Variants in PPFIA4 observed in about 807,000 individuals in gnomAD.
PPFIA4 encodes the protein liprin-alpha-4.
A neutral mutation model predicts 145.7 loss-of-function variants in PPFIA4; 98 were observed. That is an observed-to-expected ratio of 0.67 (90% CI 0.57 to 0.80). The LOEUF is 0.80. PPFIA4 is among the 30% of genes least tolerant of loss of function. The pLI is 0.00. For synonymous variants in PPFIA4, 628 were observed against 649.6 expected (o/e 0.97, Z 0.51); for missense variants, 1,457 against 1,632.7 (o/e 0.89, Z 1.85).
Position 203,077,908 on chromosome 1 carries a change from CCATCCTA to C in PPFIA4, c.*1521_*1527del, listed in dbSNP as rs1662647340. 1 of 152,276 alleles carries C rather than the reference CCATCCTA, an allele frequency of 6.6e-6. No individual in the cohort carries two copies. Among genetic ancestry groups the C allele is most frequent in the South Asian group, 2.1e-4 (1 of 4,834 alleles). The allele number at this position is 152,276 out of a possible 1,614,324, so 9.4% of individuals were successfully genotyped here. The stretch of plus-strand genomic sequence containing the variant: ...TTCTTGGATAGGGGCCAGTGCAGTG[CCATCCTA>C]CAGGTGGCTGGAGCAGCTGCTTTGC... On this transcript the variant is annotated 3_prime_UTR_variant, in exon 30 of 30. Coordinates refer to ENST00000295706, the MANE Select transcript of PPFIA4 (RefSeq NM_001304331.2).
At chr1:203,028,365 G>A (rs540568345) in intron 1 of PPFIA4, among the ~76,000 whole-genome samples, 10 of 152,186 alleles carry the variant, frequency 6.6e-5, no homozygotes, top group Non-Finnish European at 1.0e-4. Flanking sequence ...GTTGGAAAGA[G>A]TTGTCAGGGA....
At chr1:203,072,660 C>T (rs755794739) in intron 28 of PPFIA4, among the ~76,000 whole-genome samples, 7 of 152,164 alleles carry the variant, frequency 4.6e-5, no homozygotes, top group Non-Finnish European at 1.0e-4. Context: ...TTTTTCGCTG[C>T]TCTGTCTTCA....
At chr1:203,059,875 A>G in intron 21 of PPFIA4, 24 bp downstream of exon 21, 1 of 1,583,478 alleles carries the variant, frequency 6.3e-7, no homozygotes, top group Non-Finnish European at 8.6e-7. Context: ...AAGGGAGTCC[A>G]CTCAGGGGTC....
chr1:203,056,701 C>T, intron 18 of PPFIA4, 83 bp from the exon 19 acceptor site: 7 of 1,333,840 alleles, frequency 5.2e-6, no homozygotes, highest in Non-Finnish European at 7.3e-6. Flanking sequence ...AGAAGTTCTT[C>T]CTGAGGTCTA....
Position 203,076,552 on chromosome 1 carries a change from A to G in PPFIA4, c.*162A>G. ...TATTCGTCCACCCCCTCGGCACCCC[A>G]TTACCCCGAGTCCCACCGTGTGTCC... is the stretch of plus-strand genomic sequence containing the variant. On this transcript the variant is annotated 3_prime_UTR_variant, in exon 30 of 30. Transcript: ENST00000295706. The G allele has an allele frequency of 1.5e-6, 1 of 687,126 alleles. No homozygotes were observed. The highest frequency in any genetic ancestry group is 1.8e-5 in the South Asian group (1 of 55,732). The allele number at this position is 687,126 out of a possible 1,614,324, so 42.6% of individuals were successfully genotyped here.
At chr1:203,047,552 C>A (rs1298390873) in intron 9 of PPFIA4, among the ~76,000 whole-genome samples, 1 of 152,142 alleles carries the variant, frequency 6.6e-6, no homozygotes. Context: ...ATCTTGCCAG[C>A]AGAGACAGTA....
chr1:203,067,499 T>G, intron 25 of PPFIA4, 196 bp from the exon 26 acceptor site: 1 of 576,610 alleles, frequency 1.7e-6, no homozygotes, highest in Non-Finnish European at 3.1e-6. Context: ...AGGATATGGG[T>G]TAGACAGAGA....
At chr1:203,065,416 G>A (rs1250695243) in intron 25 of PPFIA4, among the ~76,000 whole-genome samples, 1 of 152,158 alleles carries the variant, frequency 6.6e-6, no homozygotes, top group African/African-American at 2.4e-5. Context: ...GATTGATAGG[G>A]CTGGGGAGAG....
chr1:203,049,195 G>T (rs1037463752), intron 12 of PPFIA4, among the ~76,000 whole-genome samples: 1 of 152,332 alleles, frequency 6.6e-6, no homozygotes, highest in African/African-American at 2.4e-5. Context: ...AGAAGCATAG[G>T]GCAGAGGTGG....
rs775386210 is a variant in PPFIA4, at chr1:203,045,882, A to T, written c.900A>T (p.Thr300=). The part of the protein sequence containing the change: ...QKEDMEERIT[T]LEKRYLAAQR... ...AGGACATGGAAGAGCGGATTACTAC[A>T]CTGGAGAAGCGCTACCTGGCTGCTC... is the stretch of plus-strand genomic sequence containing the variant. The change falls in exon 8 of 30, where the codon ACA becomes ACT. Residue 300 remains threonine, a synonymous_variant. Transcript: ENST00000295706. The T allele has an allele frequency of 8.6e-5, 139 of 1,612,582 alleles. No homozygotes were observed. Among genetic ancestry groups the T allele is most frequent in the Non-Finnish European group, 1.2e-4 (137 of 1,179,830 alleles).
chr1:203,066,270 G>A (rs1183507273), intron 25 of PPFIA4, among the ~76,000 whole-genome samples: 1 of 152,206 alleles, frequency 6.6e-6, no homozygotes, highest in Non-Finnish European at 1.5e-5. Flanking sequence ...ACATAAGGGT[G>A]GCTTGGGCCA....
chr1:203,055,256 G>C lies in PPFIA4; in HGVS notation c.1830-176G>C, dbSNP rs978762606. Among the ~76,000 whole-genome samples the C allele has an allele frequency of 6.6e-6, 1 of 152,202 alleles. No individual in the cohort carries two copies. The highest frequency in any genetic ancestry group is 2.4e-5 in the African/African-American group (1 of 41,452). On this transcript the variant is annotated intron_variant, in intron 15 of 29. Coordinates refer to ENST00000295706, the MANE Select transcript of PPFIA4 (RefSeq NM_001304331.2). This position sits in a 1 kb window ranked among gnomAD's most constrained non-coding sequence, Gnocchi z 4.8. ...CAGCAGCTGCTTTTGTTAAACGGAG[G>C]GAGTAGGCAAGCTAACAAGAAAGAG... is the stretch of plus-strand genomic sequence containing the variant.
At chr1:203,036,816 G>A (rs978799912) in intron 1 of PPFIA4, among the ~76,000 whole-genome samples, 1 of 152,242 alleles carries the variant, frequency 6.6e-6, no homozygotes, top group Non-Finnish European at 1.5e-5. Flanking sequence ...CAGCAGCAGT[G>A]TTGGGGAAAG....
Position 203,069,069 on chromosome 1 carries a change from G to T in PPFIA4, c.3324+441G>T, listed in dbSNP as rs539278303. Among the ~76,000 whole-genome samples the T allele has an allele frequency of 6.6e-5, 10 of 152,186 alleles. No individual in the cohort carries two copies. In the South Asian group the frequency reaches 2.1e-3, roughly 32 times the overall value. On this transcript the variant is annotated intron_variant, in intron 27 of 29. Transcript: ENST00000295706. ...CTACCACCCTAGGGATCTGCTCCTGGGCCCCCAGCCTTAAAAAAGCTAAAT... is the reference window on the plus strand; with the variant it reads ...CTACCACCCTAGGGATCTGCTCCTGTGCCCCCAGCCTTAAAAAAGCTAAAT...
At position 203,048,187 on chromosome 1, in the gene PPFIA4, C is replaced by A. The variant is rs1277777845; in HGVS notation, c.1141-40C>A. On this transcript the variant is annotated intron_variant, in intron 9 of 29. Coordinates refer to ENST00000295706, the MANE Select transcript of PPFIA4 (RefSeq NM_001304331.2). The surrounding 1 kb of genome is among the most constrained non-coding windows in gnomAD (Gnocchi z 5.8). ...GGATGCGGGGCCTGAGCAGGAAGAACAGAGATCTGCGGGCTGCACCGACCC... is the reference window on the plus strand; with the variant it reads ...GGATGCGGGGCCTGAGCAGGAAGAAAAGAGATCTGCGGGCTGCACCGACCC... 1 of 1,598,772 alleles carries A rather than the reference C, an allele frequency of 6.3e-7. No homozygotes were observed. The highest frequency in any genetic ancestry group is 8.6e-7 in the Non-Finnish European group (1 of 1,168,860).
Position 203,063,969 on chromosome 1 carries a change from C to A in PPFIA4, c.3016C>A (p.Arg1006=). 6.2e-7 allele frequency: 1 copy of A among 1,613,852 alleles called. No individual in the cohort carries two copies. The highest frequency in any genetic ancestry group is 8.5e-7 in the Non-Finnish European group (1 of 1,179,886). Reference sequence around the variant, plus strand: ...GGACCACCTCACCAAGAAGGACCTGCGGGTCCACCTGAAGATGGTGGACAG... The same window carrying A: ...GGACCACCTCACCAAGAAGGACCTGAGGGTCCACCTGAAGATGGTGGACAG... ...MLDHLTKKDL[R]VHLKMVDSFH... is the part of the protein sequence containing the mutation. Residue 1006 remains arginine (R), a synonymous_variant, in exon 25 of 30, where the codon CGG becomes AGG. Coordinates refer to ENST00000295706, the MANE Select transcript of PPFIA4 (RefSeq NM_001304331.2).
chr1:203,052,405 T>C (rs954822224), intron 14 of PPFIA4, among the ~76,000 whole-genome samples: 44 of 152,018 alleles, frequency 2.9e-4, no homozygotes, highest in Non-Finnish European at 6.2e-4. Context: ...CCGAGTTTGA[T>C]CTTTTGGGAA....
chr1:203,056,005 C>T, intron 16 of PPFIA4, 115 bp from the exon 17 acceptor site: 1 of 1,021,880 alleles, frequency 9.8e-7, no homozygotes, highest in Non-Finnish European at 1.4e-6. Flanking sequence ...TCTCTCCGGG[C>T]CTGTGTGAGG....
intron 1 of PPFIA4, among the ~76,000 whole-genome samples, chr1:203,037,442 T>A (rs1446078036): frequency 3.3e-5 from 5 of 152,196 alleles, no homozygotes; most frequent in Non-Finnish European, 7.3e-5. Context: ...CCAGTGTGCC[T>A]ATTGCTGTGC....
Sources: gnomAD v4.1 joint callset for allele counts (sites outside exome capture counted in the v4.1 genomes callset) on GRCh38, gnomAD v4.1.1 for gene constraint, Gnocchi (gnomAD v3.1) non-coding constraint, MANE v1.5 for transcripts, NCBI Gene and HGNC (gene_info 2026-07-23, HGNC 2026-07-21) for gene names.